Variants in ATXN7L1 observed in about 807,000 individuals in gnomAD.
ATXN7L1 encodes ataxin 7 like 1.
A neutral mutation model predicts 70.8 loss-of-function variants in ATXN7L1; 15 were observed. That is an observed-to-expected ratio of 0.21 (90% CI 0.14 to 0.33). The LOEUF is 0.33. ATXN7L1 is among the 10% of genes least tolerant of loss of function. The pLI is 1.00. For missense variants in ATXN7L1, 975 were observed against 1,097.1 expected (o/e 0.89, Z 1.57); for synonymous variants, 440 against 445.1 (o/e 0.99, Z 0.14).
chr7:105,764,180 T>G (rs1800935403), intron 3 of ATXN7L1, among the ~76,000 whole-genome samples: 1 of 151,826 alleles, frequency 6.6e-6, no homozygotes, highest in Admixed American at 6.6e-5. Flanking sequence ...AACAAAAAAA[T>G]CCAGGTAGCT....
chr7:105,845,791 A>T (rs927985332), intron 2 of ATXN7L1, among the ~76,000 whole-genome samples: 1 of 152,194 alleles, frequency 6.6e-6, no homozygotes, highest in Non-Finnish European at 1.5e-5. Flanking sequence ...AAGACAATTC[A>T]ATGGAACAAA....
rs555699802 is a variant in ATXN7L1, at chr7:105,755,610, A to G, written c.355+32994T>C. ...GCCCCATCCACTGGTCCTCTTTTTAAATTTTTCTCTAATTTCTGACCAAGC... is the reference window on the plus strand; with the variant it reads ...GCCCCATCCACTGGTCCTCTTTTTAGATTTTTCTCTAATTTCTGACCAAGC... On this transcript the variant is annotated intron_variant, in intron 3 of 11. Coordinates refer to ENST00000419735, the MANE Select transcript of ATXN7L1 (RefSeq NM_020725.2). 9.2e-5 allele frequency among the ~76,000 whole-genome samples: 14 copies of G among 152,290 alleles called. No individual in the cohort carries two copies. The South Asian group carries it at 2.7e-3, about 29-fold the overall frequency.
intron 3 of ATXN7L1, among the ~76,000 whole-genome samples, chr7:105,703,853 G>T (rs1308243079): frequency 6.6e-6 from 1 of 152,210 alleles, no homozygotes; most frequent in African/African-American, 2.4e-5. Context: ...AAACCTCAAA[G>T]GAGAGAGGGC....
intron 3 of ATXN7L1, among the ~76,000 whole-genome samples, chr7:105,722,417 T>C (rs146699933): frequency 0.019 from 2,815 of 151,272 alleles, 98 homozygotes; most frequent in African/African-American, 0.064. Context: ...CAAAAATTAG[T>C]TGGGCATGGT....
Position 105,709,114 on chromosome 7 carries a change from C to T in ATXN7L1, c.356-43826G>A, listed in dbSNP as rs572834525. 9.2e-5 allele frequency among the ~76,000 whole-genome samples: 14 copies of T among 152,218 alleles called. No individual in the cohort carries two copies. The South Asian group carries it at 2.7e-3, about 29-fold the overall frequency. On this transcript the variant is annotated intron_variant, in intron 3 of 11. Transcript: ENST00000419735. ...TTTGGGAGGCAAGGTGGGTGGATCA[C>T]CTGAGGTCAGGAGTTAGAGACCAGG...
intron 3 of ATXN7L1, among the ~76,000 whole-genome samples, chr7:105,752,438 A>G (rs1216752632): frequency 2.6e-5 from 4 of 152,306 alleles, no homozygotes; most frequent in African/African-American, 4.8e-5. Flanking sequence ...CTCCATCCCA[A>G]TTAGAAACTC....
chr7:105,832,373 T>C (rs1189043102), intron 2 of ATXN7L1, among the ~76,000 whole-genome samples: 1 of 152,220 alleles, frequency 6.6e-6, no homozygotes, highest in African/African-American at 2.4e-5. Context: ...TAACAACACC[T>C]GACCTGAACT....
chr7:105,819,296 G>T (rs757876317), intron 2 of ATXN7L1, among the ~76,000 whole-genome samples: 9 of 152,072 alleles, frequency 5.9e-5, no homozygotes, highest in Non-Finnish European at 8.8e-5. Flanking sequence ...TTCAAAGAGT[G>T]ATAGCCTCAT....
intron 3 of ATXN7L1, among the ~76,000 whole-genome samples, chr7:105,701,158 T>C (rs1406445376): frequency 6.6e-6 from 1 of 152,192 alleles, no homozygotes; most frequent in Non-Finnish European, 1.5e-5. Flanking sequence ...GGGTAGATAC[T>C]GTACCCCTAG....
intron 3 of ATXN7L1, among the ~76,000 whole-genome samples, chr7:105,776,631 G>C (rs997987558): frequency 1.8e-4 from 27 of 152,184 alleles, no homozygotes; most frequent in East Asian, 1.4e-3. Flanking sequence ...AGTGTGAGAG[G>C]GGGGAGGGGT....
At chr7:105,652,644 G>T (rs1273707308) in intron 4 of ATXN7L1, among the ~76,000 whole-genome samples, 1 of 152,214 alleles carries the variant, frequency 6.6e-6, no homozygotes, top group Non-Finnish European at 1.5e-5. Context: ...AGGAAACCCT[G>T]ACCCAAGGGG....
At chr7:105,646,133 G>A (rs1044514590) in intron 4 of ATXN7L1, among the ~76,000 whole-genome samples, 1 of 151,592 alleles carries the variant, frequency 6.6e-6, no homozygotes, top group Non-Finnish European at 1.5e-5. Flanking sequence ...GCAACATAGC[G>A]AGACCATTCT....
intron 3 of ATXN7L1, among the ~76,000 whole-genome samples, chr7:105,778,712 GATCTGCTCATTT>G (rs1047488922): frequency 1.2e-4 from 19 of 152,124 alleles, no homozygotes; most frequent in Admixed American, 1.2e-3. Context: ...GAGTCTCATG[GATCTGCTCATTT>G]GTTGGGGATA....
chr7:105,631,404 G>T (rs1412623305), intron 7 of ATXN7L1, among the ~76,000 whole-genome samples: 2 of 152,142 alleles, frequency 1.3e-5, no homozygotes, highest in Admixed American at 6.6e-5. Context: ...GGACCTAAAG[G>T]TCATGTCTAC....
intron 2 of ATXN7L1, among the ~76,000 whole-genome samples, chr7:105,793,734 C>T (rs577060468): frequency 6.6e-5 from 10 of 152,276 alleles, no homozygotes; most frequent in African/African-American, 2.2e-4. Context: ...TTTGTCACCA[C>T]AAATGGATAA....
At chr7:105,727,763 TATATATATATATATAC>T (rs1796037064) in intron 3 of ATXN7L1, among the ~76,000 whole-genome samples, 1 of 93,394 alleles carries the variant, frequency 1.1e-5, no homozygotes, top group Non-Finnish European at 2.1e-5. Flanking sequence ...TATATATATA[TATATATATATATATAC>T]ACACACATAC....
chr7:105,690,846 T>A (rs1790698994), intron 3 of ATXN7L1, among the ~76,000 whole-genome samples: 1 of 152,160 alleles, frequency 6.6e-6, no homozygotes, highest in South Asian at 2.1e-4. Flanking sequence ...GGAAACCCTT[T>A]TATAGAGTGC....
At position 105,760,536 on chromosome 7, in the gene ATXN7L1, C is replaced by T. The variant is rs530979334; in HGVS notation, c.355+28068G>A. On this transcript the variant is annotated intron_variant, in intron 3 of 11. Transcript: ENST00000419735. ...CCTCACTGTTCCTAATGAAATGTCA[C>T]GCTCCAGCTATCACGTATTAACTGA... 55 of 985,874 alleles carry T rather than the reference C, an allele frequency of 5.6e-5. No homozygotes were observed. The African/African-American group carries it at 8.4e-4, about 15-fold the overall frequency. The allele number at this position is 985,874 out of a possible 1,614,324, so 61.1% of individuals were successfully genotyped here.
rs544062368 is a variant in ATXN7L1, at chr7:105,818,983, G to A, written c.251-30275C>T. ...TGTGCCATGTTGGTTTGATGCACCC[G>A]TCAACTCATCATTTACATTAGGTAT... On this transcript the variant is annotated intron_variant, in intron 2 of 11. Transcript: ENST00000419735. 1.7e-4 allele frequency among the ~76,000 whole-genome samples: 25 copies of A among 151,432 alleles called. No homozygotes were observed. The South Asian group carries it at 3.1e-3, about 19-fold the overall frequency.
Sources: allele counts gnomAD v4.1 joint callset (sites outside exome capture counted in the v4.1 genomes callset), GRCh38; gene constraint gnomAD v4.1.1; transcripts MANE v1.5; gene names NCBI Gene and HGNC (gene_info 2026-07-23, HGNC 2026-07-21).